NOSTRIN: variants seen among roughly 807,000 people sequenced by gnomAD.
The protein encoded by NOSTRIN is nitric oxide synthase trafficking.
A neutral mutation model predicts 59.0 loss-of-function variants in NOSTRIN; 63 were observed. That is an observed-to-expected ratio of 1.07 (90% CI 0.87 to 1.32). NOSTRIN has a LOEUF of 1.32. Among genes scored for constraint, NOSTRIN ranks in the 40% most tolerant of loss-of-function variants. NOSTRIN has a pLI of 0.00. For missense variants in NOSTRIN, 512 were observed against 473.1 expected (o/e 1.08, Z -0.76); for synonymous variants, 200 against 165.4 (o/e 1.21, Z -1.61).
At chr2:168,863,050 C>T (rs1008700481) in intron 15 of NOSTRIN, among the ~76,000 whole-genome samples, 2 of 152,120 alleles carry the variant, frequency 1.3e-5, no homozygotes. Context: ...TTCCCAGATG[C>T]CACCTAGAAC....
chr2:168,800,668 A>G (rs1382288979), upstream of NOSTRIN, among the ~76,000 whole-genome samples: 2 of 152,150 alleles, frequency 1.3e-5, no homozygotes, highest in African/African-American at 4.8e-5. Flanking sequence ...AGCACTTCTT[A>G]TGGAAACTGG....
rs191397388 is a variant in NOSTRIN at position 168,804,486 on chromosome 2, A to C, written c.27+1813A>C. 6.5e-4 allele frequency among the ~76,000 whole-genome samples: 99 copies of C among 152,306 alleles called. 1 individual carries two copies. Among genetic ancestry groups the C allele is most frequent in the African/African-American group, 2.3e-3 (97 of 41,570 alleles). ...CAAGTTGATTTCCTGGCACATTCTTAGCTTGTACTTGGGGAACAATGCTAT... is the reference window on the plus strand; with the variant it reads ...CAAGTTGATTTCCTGGCACATTCTTCGCTTGTACTTGGGGAACAATGCTAT... On this transcript the variant is annotated intron_variant, in intron 1 of 15. Coordinates refer to ENST00000317647, the MANE Select transcript of NOSTRIN (RefSeq NM_001039724.4).
upstream of NOSTRIN, among the ~76,000 whole-genome samples, chr2:168,802,158 G>C (rs1388916942): frequency 6.6e-6 from 1 of 152,154 alleles, no homozygotes; most frequent in African/African-American, 2.4e-5. Flanking sequence ...TCACAGGCCA[G>C]TTGTTTGCTC....
At chr2:168,805,896 C>T (rs751190702) in intron 1 of NOSTRIN, among the ~76,000 whole-genome samples, 1 of 152,200 alleles carries the variant, frequency 6.6e-6, no homozygotes, top group African/African-American at 2.4e-5. Context: ...ATGGGTGTCA[C>T]GTGGCCCACA....
intron 7 of NOSTRIN, among the ~76,000 whole-genome samples, chr2:168,840,422 C>G (rs2105704836): frequency 6.7e-6 from 1 of 150,368 alleles, no homozygotes; most frequent in South Asian, 2.1e-4. Flanking sequence ...CCCAGCTACT[C>G]AGGAGGCTGA....
At chr2:168,859,396 G>A in intron 12 of NOSTRIN, 116 bp from the exon 13 acceptor site, 1 of 1,428,764 alleles carries the variant, frequency 7.0e-7, no homozygotes, top group Non-Finnish European at 9.4e-7. Flanking sequence ...ATATCTGTAT[G>A]AGTTAAATGC....
At chr2:168,806,055 C>T (rs761952243) in intron 1 of NOSTRIN, among the ~76,000 whole-genome samples, 11 of 152,086 alleles carry the variant, frequency 7.2e-5, no homozygotes, top group Non-Finnish European at 1.5e-4. Flanking sequence ...GACAGTCTGC[C>T]ACAGGGATTC....
chr2:168,858,716 A>G (rs932270221), intron 12 of NOSTRIN, among the ~76,000 whole-genome samples: 3 of 152,162 alleles, frequency 2.0e-5, no homozygotes, highest in Admixed American at 1.3e-4. Context: ...TTCTCCATCA[A>G]TTGGATGTCT....
At chr2:168,860,754 A>C in intron 13 of NOSTRIN, 41 bp from the exon 14 acceptor site, 1 of 1,194,216 alleles carries the variant, frequency 8.4e-7, no homozygotes. Context: ...TGTTTATGAT[A>C]ATCGTGTTAC....
intron 2 of NOSTRIN, among the ~76,000 whole-genome samples, chr2:168,815,196 A>T (rs1301883211): frequency 6.6e-6 from 1 of 152,228 alleles, no homozygotes; most frequent in Non-Finnish European, 1.5e-5. Context: ...AGTTGTTACT[A>T]AAACACTCTT....
chr2:168,793,471 C>T (rs910065746), upstream of NOSTRIN, among the ~76,000 whole-genome samples: 1 of 151,982 alleles, frequency 6.6e-6, no homozygotes. Flanking sequence ...ATTAGCTGGG[C>T]CCGGTGGCAC....
chr2:168,862,600 C>G (rs999124337), intron 15 of NOSTRIN, among the ~76,000 whole-genome samples: 1 of 152,226 alleles, frequency 6.6e-6, no homozygotes, highest in Non-Finnish European at 1.5e-5. Context: ...TAGTGCTGGT[C>G]TCACTTACTT....
Position 168,828,220 on chromosome 2 carries a change from A to G in NOSTRIN, c.260A>G (p.Gln87Arg). 1 of 872,980 alleles carries G rather than the reference A, an allele frequency of 1.1e-6. No homozygotes were observed. Among genetic ancestry groups the G allele is most frequent in the East Asian group, 2.4e-5 (1 of 41,700 alleles). 54.1% of individuals were successfully genotyped at this position (872,980 alleles called of 1,614,324 possible). A position where few individuals can be genotyped will look rare whatever the true frequency, so the allele number is the denominator to read the frequency against. ...EGMKSTADLHQKLGKAIELEA... is the reference protein window; with the variant it reads ...EGMKSTADLHRKLGKAIELEA... ...ATGAAATCCACAGCGGACCTGCATCAGTGAGTTCTCCCACCCTGGCCTTTC... is the reference window on the plus strand; with the variant it reads ...ATGAAATCCACAGCGGACCTGCATCGGTGAGTTCTCCCACCCTGGCCTTTC... Residue 87 changes from glutamine to arginine, a missense_variant and splice_region_variant, in exon 4 of 16, where the codon CAA (glutamine) becomes CGA (arginine). By Grantham distance (43) the Gln-to-Arg change is conservative. Transcript: ENST00000317647.
chr2:168,810,106 C>G (rs539945816), intron 1 of NOSTRIN, among the ~76,000 whole-genome samples: 1 of 152,176 alleles, frequency 6.6e-6, no homozygotes, highest in Non-Finnish European at 1.5e-5. Context: ...CACCAGTTCA[C>G]GGTCCTCACC....
intron 6 of NOSTRIN, 72 bp downstream of exon 6, chr2:168,831,606 C>G: frequency 1.3e-6 from 1 of 783,314 alleles, no homozygotes; most frequent in Non-Finnish European, 2.3e-6. Flanking sequence ...CATACAAATG[C>G]GATGACATGT....
chr2:168,798,853 GT>G (rs1476480123), upstream of NOSTRIN, among the ~76,000 whole-genome samples: 1 of 133,284 alleles, frequency 7.5e-6, no homozygotes, highest in Non-Finnish European at 1.7e-5. Context: ...ACAGAAGATA[GT>G]TCTTGAGAGA....
chr2:168,837,531 G>A (rs947630767), intron 7 of NOSTRIN, among the ~76,000 whole-genome samples: 1 of 151,712 alleles, frequency 6.6e-6, no homozygotes, highest in Non-Finnish European at 1.5e-5. Flanking sequence ...GGATAGTCTC[G>A]ATCTCCTGAC....
intron 8 of NOSTRIN, among the ~76,000 whole-genome samples, chr2:168,846,813 G>C (rs1412604990): frequency 6.6e-6 from 1 of 152,048 alleles, no homozygotes; most frequent in South Asian, 2.1e-4. Context: ...AAAATGATTC[G>C]AGTGGCTGCT....
chr2:168,788,240 CAAAAAA>C (rs5836201), intron 2 of NOSTRIN, among the ~76,000 whole-genome samples: 1 of 126,890 alleles, frequency 7.9e-6, no homozygotes, highest in Non-Finnish European at 1.7e-5. Context: ...GATCCTACCT[CAAAAAA>C]AAAAAAAAAA....
Sources: gnomAD v4.1 joint callset for allele counts (sites outside exome capture counted in the v4.1 genomes callset) on GRCh38, gnomAD v4.1.1 for gene constraint, MANE v1.5 for transcripts, NCBI Gene and HGNC (gene_info 2026-07-23, HGNC 2026-07-21) for gene names.